The following RPAP1 variants were observed in gnomAD, a reference collection of about 807,000 sequenced individuals.
The protein encoded by RPAP1 is RNA polymerase II associated protein 1.
A neutral mutation model predicts 142.4 loss-of-function variants in RPAP1; 109 were observed. The observed-to-expected ratio is 0.77, with a 90% CI of 0.66 to 0.90. The LOEUF (loss-of-function observed/expected upper bound fraction) is 0.90. RPAP1 is among the 40% of genes least tolerant of loss of function. The pLI, the probability that RPAP1 is intolerant of heterozygous loss-of-function variation, is 0.00. For missense variants in RPAP1, 1,546 were observed against 1,751.7 expected (o/e 0.88, Z 2.10); for synonymous variants, 704 against 738.9 (o/e 0.95, Z 0.77).
chr15:41,535,863 G>A (rs1385146864), intron 4 of RPAP1, among the ~76,000 whole-genome samples: 8 of 152,118 alleles, frequency 5.3e-5, no homozygotes, highest in Non-Finnish European at 1.2e-4. Context: ...GTGTGGTGTT[G>A]GACAAGTTAT....
intron 1 of RPAP1, among the ~76,000 whole-genome samples, chr15:41,543,132 T>A (rs937950847): frequency 2.0e-5 from 3 of 151,274 alleles, no homozygotes; most frequent in African/African-American, 7.3e-5. Flanking sequence ...AGGCCAGAAG[T>A]CAAATACCAG....
rs141661497 is a variant in RPAP1, at chr15:41,523,350, C to G, written c.2441G>C (p.Ser814Thr). The change falls in exon 18 of 25, where the codon AGC becomes ACC. Residue 814 changes from serine to threonine, a missense_variant. Ser to Thr is a moderately conservative substitution (Grantham distance 58). This residue lies in a region of RPAP1 where 1,333 missense variants were observed against 1,486.6 expected (regional missense o/e 0.90). Coordinates refer to ENST00000304330, the MANE Select transcript of RPAP1 (RefSeq NM_015540.4). ...CTGGAGCCAATCCTCCGGGCATGAGCTTGGCTGGTGGACCAAGGAATTCAC... is the reference window on the plus strand; with the variant it reads ...CTGGAGCCAATCCTCCGGGCATGAGGTTGGCTGGTGGACCAAGGAATTCAC... ...AYYQAWSQQP[S>T]SCPEDWLQDM... 1 of 1,595,034 alleles carries G rather than the reference C, an allele frequency of 6.3e-7. No individual in the cohort carries two copies. The highest frequency in any genetic ancestry group is 8.6e-7 in the Non-Finnish European group (1 of 1,168,948).
rs1476716422 is a variant in RPAP1, at chr15:41,517,761, C to T, written c.4032+37G>A. On this transcript the variant is annotated intron_variant, in intron 24 of 24. Coordinates refer to ENST00000304330, the MANE Select transcript of RPAP1 (RefSeq NM_015540.4). Reference sequence around the variant, plus strand: ...GTTGTGGTCTCTGTCCCCCAAGATCCTCTAATATCCCACCCTCCTAATGGC... The same window carrying T: ...GTTGTGGTCTCTGTCCCCCAAGATCTTCTAATATCCCACCCTCCTAATGGC... The T allele has an allele frequency of 1.9e-6, 3 of 1,614,012 alleles. No individual in the cohort carries two copies. In the African/African-American group the frequency reaches 4.0e-5, roughly 22 times the overall value.
chr15:41,527,286 T>C lies in RPAP1; in HGVS notation c.1627A>G (p.Ser543Gly), dbSNP rs548017193. 2 of 1,614,162 alleles carry C rather than the reference T, an allele frequency of 1.2e-6. No individual in the cohort carries two copies. Among genetic ancestry groups the C allele is most frequent in the African/African-American group, 1.3e-5 (1 of 75,056 alleles). Residue 543 changes from serine (S) to glycine (G), a missense_variant, in exon 13 of 25, where the codon AGC becomes GGC. Transcript: ENST00000304330. ...HDVIKGLLAT[S>G]LLPRLRYVLE... ...ACGTAGCGCAGCCGAGGCAGCAGGCTGGTAGCCAGGAGCCCCTGGGAGTTG... is the reference window on the plus strand; with the variant it reads ...ACGTAGCGCAGCCGAGGCAGCAGGCCGGTAGCCAGGAGCCCCTGGGAGTTG...
Position 41,517,560 on chromosome 15 carries a change from AT to A in RPAP1, c.4163del (p.Asn1388MetfsTer59). The A allele has an allele frequency of 6.4e-7, 1 of 1,573,398 alleles. No individual in the cohort carries two copies. Among genetic ancestry groups the A allele is most frequent in the Admixed American group, 1.9e-5 (1 of 53,024 alleles). On this transcript the variant is annotated frameshift_variant, in exon 25 of 25. Transcript: ENST00000304330. LOFTEE classifies it high-confidence loss of function. ...AACTATCCTAGGTCTCTGATACCCC[AT>A]TTTGGAGCACTGTTGAAGTCAGTCT... is the stretch of plus-strand genomic sequence containing the variant. The part of the protein sequence containing the change: ...LQRLTSTVLQ[N>X]GVSET
rs150279215 is a variant in RPAP1 at position 41,536,140 on chromosome 15, G to C, written c.409C>G (p.Arg137Gly). 1.2e-6 allele frequency: 2 copies of C among 1,613,698 alleles called. No individual in the cohort carries two copies. Among genetic ancestry groups the C allele is most frequent in the African/African-American group, 2.7e-5 (2 of 74,880 alleles). The change falls in exon 4 of 25, where the codon CGG (arginine) becomes GGG (glycine). Residue 137 changes from arginine (R) to glycine (G), a missense_variant. Arg to Gly is a moderately radical substitution (Grantham distance 125). Around this residue, in one of 3 missense-constraint regions of RPAP1, gnomAD observed 1,333 missense variants for 1,486.6 expected, o/e 0.90. Coordinates refer to ENST00000304330, the MANE Select transcript of RPAP1 (RefSeq NM_015540.4). ...VAFPAVFLRS[R>G]DTQGKSATSG... is the part of the protein sequence containing the mutation. ...TTACCCTTGCCTACCTGTGTGTCCC[G>C]CGAGCGAAGGAACACAGCAGGGAAA...
At position 41,528,288 on chromosome 15, in the gene RPAP1, C is replaced by T. The variant is rs910417343; in HGVS notation, c.1207G>A (p.Val403Ile). ...QELFHLTRSQ[V>I]SQQRALALHV... The stretch of plus-strand genomic sequence containing the variant: ...AGTGCCAGTGCTCTCTGCTGGGAAA[C>T]CTGGCTGCGGGTCAGGTGGAACAGC... The change falls in exon 10 of 25, where the codon GTT becomes ATT. Residue 403 changes from valine (V) to isoleucine (I), a missense_variant. Coordinates refer to ENST00000304330, the MANE Select transcript of RPAP1 (RefSeq NM_015540.4). The T allele has an allele frequency of 1.2e-6, 2 of 1,607,786 alleles. No homozygotes were observed. Among genetic ancestry groups the T allele is most frequent in the Admixed American group, 1.7e-5 (1 of 59,232 alleles).
At chr15:41,526,673 T>C (rs777589066) in intron 14 of RPAP1, among the ~76,000 whole-genome samples, 1 of 152,194 alleles carries the variant, frequency 6.6e-6, no homozygotes, top group Non-Finnish European at 1.5e-5. Context: ...AGACCTCCTA[T>C]TACATCATGA....
At chr15:41,539,751 A>C (rs2051952136) in intron 1 of RPAP1, among the ~76,000 whole-genome samples, 1 of 151,300 alleles carries the variant, frequency 6.6e-6, no homozygotes, top group South Asian at 2.1e-4. Flanking sequence ...AAAATGATGA[A>C]TTCTGGCCAG....
chr15:41,536,260 A>G (rs1384363586), intron 3 of RPAP1, 42 bp from the exon 4 acceptor site: 2 of 1,579,556 alleles, frequency 1.3e-6, no homozygotes, highest in Non-Finnish European at 1.7e-6. Flanking sequence ...CAATGGAGAA[A>G]CTTCCCCAGG....
chr15:41,531,538 C>T (rs1213349399), intron 6 of RPAP1, among the ~76,000 whole-genome samples: 1 of 145,824 alleles, frequency 6.9e-6, no homozygotes, highest in Non-Finnish European at 1.5e-5. Context: ...TGACTAGGGC[C>T]AAAAAGAAGG....
At chr15:41,539,398 G>C (rs2051948591) in intron 1 of RPAP1, among the ~76,000 whole-genome samples, 2 of 152,050 alleles carry the variant, frequency 1.3e-5, no homozygotes, top group African/African-American at 4.8e-5. Context: ...AGGTTCAAGT[G>C]ATTCTCCTGC....
chr15:41,533,711 G>A (rs372570719), intron 6 of RPAP1, among the ~76,000 whole-genome samples: 1 of 150,930 alleles, frequency 6.6e-6, no homozygotes, highest in Non-Finnish European at 1.5e-5. Context: ...GGTGGCAGGC[G>A]CCTGTAATCC....
chr15:41,527,147 C>T lies in RPAP1; in HGVS notation c.1746+20G>A. 1 of 1,613,982 alleles carries T rather than the reference C, an allele frequency of 6.2e-7. No individual in the cohort carries two copies. The highest frequency in any genetic ancestry group is 8.5e-7 in the Non-Finnish European group (1 of 1,179,906). Reference sequence around the variant, plus strand: ...GCCCAGCTAGGCTTTTTGCCCATTCCCTGCTCCCTTTTTTCTCACCCTTGT... The same window carrying T: ...GCCCAGCTAGGCTTTTTGCCCATTCTCTGCTCCCTTTTTTCTCACCCTTGT... On this transcript the variant is annotated intron_variant, in intron 13 of 24. Transcript: ENST00000304330.
At chr15:41,523,430 C>G in intron 17 of RPAP1, 76 bp from the exon 18 acceptor site, 1 of 962,746 alleles carries the variant, frequency 1.0e-6, no homozygotes. Flanking sequence ...CAGGCCAATG[C>G]CACCATCCCA....
chr15:41,542,183 A>G (rs1007553291), intron 1 of RPAP1, among the ~76,000 whole-genome samples: 4 of 152,190 alleles, frequency 2.6e-5, no homozygotes, highest in African/African-American at 9.7e-5. Flanking sequence ...TTCCCACTTC[A>G]TTATCTCTCT....
At position 41,537,159 on chromosome 15, in the gene RPAP1, T is replaced by C. The variant is rs1188438784; in HGVS notation, c.-34A>G. 3 of 1,597,142 alleles carry C rather than the reference T, an allele frequency of 1.9e-6. No individual in the cohort carries two copies. The African/African-American group carries it at 4.0e-5, about 21-fold the overall frequency. On this transcript the variant is annotated 5_prime_UTR_variant, in exon 2 of 25. Transcript: ENST00000304330. Reference sequence around the variant, plus strand: ...TCCAGCTGCCTCCCCAGTACGACTCTCTCCAGCAGTGTCTCCGTGTGGGGG... The same window carrying C: ...TCCAGCTGCCTCCCCAGTACGACTCCCTCCAGCAGTGTCTCCGTGTGGGGG...
chr15:41,522,489 C>T (rs2051737802), intron 19 of RPAP1: 2 of 570,442 alleles, frequency 3.5e-6, no homozygotes, highest in Non-Finnish European at 6.2e-6. Flanking sequence ...CTCCCGGGTT[C>T]AAGTGATTCT....
intron 6 of RPAP1, among the ~76,000 whole-genome samples, chr15:41,532,978 C>A (rs1338414252): frequency 2.2e-4 from 15 of 66,668 alleles, no homozygotes; most frequent in East Asian, 1.5e-3. Context: ...GACTCCGTCT[C>A]AAAAAAAAAA....
Sources: gnomAD v4.1 joint callset for allele counts (sites outside exome capture counted in the v4.1 genomes callset) on GRCh38, gnomAD v4.1.1 for gene constraint, gnomAD v4.1.1 regional missense constraint, MANE v1.5 for transcripts, NCBI Gene and HGNC (gene_info 2026-07-23, HGNC 2026-07-21) for gene names.